The following ARHGEF9 variants were observed in gnomAD, a reference collection of about 807,000 sequenced individuals.
The protein encoded by ARHGEF9 is rho guanine nucleotide exchange factor 9.
ARHGEF9 carries 2 observed loss-of-function variants against 41.3 expected under a neutral mutation model. The ratio of observed to expected loss-of-function variants is 0.05; its 90% confidence interval spans 0.02 to 0.15. The LOEUF is 0.15. Ranked by LOEUF, ARHGEF9 falls within the 10% of genes least tolerant of loss-of-function variation. The pLI, the probability that ARHGEF9 is intolerant of heterozygous loss-of-function variation, is 1.00. For missense variants in ARHGEF9, 225 were observed against 424.7 expected, an observed-to-expected ratio of 0.53 and a Z score of 4.13; for synonymous variants, 160 against 154.4, an observed-to-expected ratio of 1.04 and a Z score of -0.27.
At chrX:63,758,798 C>T (rs782112958) in intron 1 of ARHGEF9, among the ~76,000 whole-genome samples, 12 of 112,352 alleles carry the variant, frequency 1.1e-4, no homozygotes, top group Non-Finnish European at 1.9e-4. Flanking sequence ...CCTCTTGAAA[C>T]ATTTATTAAA....
chrX:63,766,269 A>C (rs1279574057), intron 1 of ARHGEF9, among the ~76,000 whole-genome samples: 1 of 111,916 alleles, frequency 8.9e-6, no homozygotes, highest in Non-Finnish European at 1.9e-5. Context: ...GTGTGTATGC[A>C]CACTGAGAGG....
intron 1 of ARHGEF9, among the ~76,000 whole-genome samples, chrX:63,739,667 T>C (rs1556425322): frequency 9.0e-6 from 1 of 111,415 alleles, no homozygotes; most frequent in African/African-American, 3.3e-5. Flanking sequence ...AAAATGGATA[T>C]AATAATGCCT....
intron 6 of ARHGEF9, among the ~76,000 whole-genome samples, chrX:63,666,884 C>T (rs1423268676): frequency 2.7e-5 from 3 of 111,775 alleles, no homozygotes; most frequent in African/African-American, 9.8e-5. Context: ...GTTTCCAAGT[C>T]CTACTCCTTC....
At chrX:63,775,883 C>T (rs1329474169) in intron 1 of ARHGEF9, among the ~76,000 whole-genome samples, 1 of 111,407 alleles carries the variant, frequency 9.0e-6, no homozygotes, top group African/African-American at 3.3e-5. Context: ...AATACTGTCT[C>T]TTGGAAGCCC....
At chrX:63,781,728 C>G (rs2056384634) in intron 1 of ARHGEF9, among the ~76,000 whole-genome samples, 1 of 111,778 alleles carries the variant, frequency 8.9e-6, no homozygotes, top group Non-Finnish European at 1.9e-5. Flanking sequence ...GATCATGTCC[C>G]TCATCTGTTC....
chrX:63,681,365 T>A (rs1240725332), intron 4 of ARHGEF9, among the ~76,000 whole-genome samples: 1 of 112,050 alleles, frequency 8.9e-6, no homozygotes, highest in African/African-American at 3.2e-5. Context: ...AAATAAGTCT[T>A]AGCAAATTTA....
At chrX:63,651,128 C>A (rs1397170392) in intron 8 of ARHGEF9, among the ~76,000 whole-genome samples, 2 of 110,911 alleles carry the variant, frequency 1.8e-5, no homozygotes, top group South Asian at 3.8e-4. Flanking sequence ...AATAACAATG[C>A]CAAGCCGTTA....
intron 1 of ARHGEF9, among the ~76,000 whole-genome samples, chrX:63,742,878 C>T (rs1299383247): frequency 2.7e-5 from 3 of 112,202 alleles, no homozygotes; most frequent in Non-Finnish European, 5.6e-5. Context: ...TGGTTCAATG[C>T]CAACCTATCC....
At chrX:63,710,846 A>G (rs1286982592) in intron 2 of ARHGEF9, among the ~76,000 whole-genome samples, 1 of 111,363 alleles carries the variant, frequency 9.0e-6, no homozygotes, top group Non-Finnish European at 1.9e-5. Flanking sequence ...CAATTGGACA[A>G]AAAAAGAAAT....
chrX:63,643,717 T>TAAA (rs560889265), intron 9 of ARHGEF9, among the ~76,000 whole-genome samples: 14 of 95,841 alleles, frequency 1.5e-4, no homozygotes, highest in African/African-American at 4.1e-4. Context: ...TATTTTTAAG[T>TAAA]AAAAAAAAAA....
At chrX:63,761,058 C>T (rs1206281450) in intron 1 of ARHGEF9, among the ~76,000 whole-genome samples, 1 of 111,530 alleles carries the variant, frequency 9.0e-6, no homozygotes, top group African/African-American at 3.3e-5. Flanking sequence ...GAGTGATTAG[C>T]TCCTCAGTCC....
At chrX:63,709,542 C>T (rs1459415417) in intron 2 of ARHGEF9, among the ~76,000 whole-genome samples, 32 of 111,831 alleles carry the variant, frequency 2.9e-4, no homozygotes, top group Non-Finnish European at 5.3e-4. Context: ...CTAGCTTTTA[C>T]CCTTCCCACA....
In ARHGEF9 at chrX:63,678,336, T is replaced by C; in HGVS notation, c.815+4A>G. The C allele has an allele frequency of 8.4e-7, 1 of 1,194,832 alleles. No individual in the cohort carries two copies. The highest frequency in any genetic ancestry group is 1.1e-6 in the Non-Finnish European group (1 of 884,640). On this transcript the variant is annotated splice_donor_region_variant and intron_variant, in intron 5 of 9. Coordinates refer to ENST00000671741, the MANE Select transcript of ARHGEF9 (RefSeq NM_001353921.2). Reference sequence around the variant, plus strand: ...ATTCACTCCTGACTCCCTCGATCCCTTACCTGTGGTCTTGGGCAGTATACT... The same window carrying C: ...ATTCACTCCTGACTCCCTCGATCCCCTACCTGTGGTCTTGGGCAGTATACT...
intron 1 of ARHGEF9, chrX:63,767,391 A>G (rs782783745): frequency 2.7e-5 from 12 of 449,080 alleles, no homozygotes; most frequent in South Asian, 1.5e-4. Flanking sequence ...GGGAGCTGCT[A>G]TTTTATATTA....
At chrX:63,684,308 C>T (rs2050847939) in intron 4 of ARHGEF9, among the ~76,000 whole-genome samples, 1 of 110,598 alleles carries the variant, frequency 9.0e-6, no homozygotes, top group African/African-American at 3.3e-5. Flanking sequence ...CATATCAAAA[C>T]CACAATGAGA....
At chrX:63,693,941 G>A (rs1396097028) in intron 4 of ARHGEF9, among the ~76,000 whole-genome samples, 2 of 110,763 alleles carry the variant, frequency 1.8e-5, no homozygotes, top group African/African-American at 6.6e-5. Flanking sequence ...TCAGCACTTT[G>A]GGAGGCCGAG....
At chrX:63,693,949 G>A (rs1159606524) in intron 4 of ARHGEF9, among the ~76,000 whole-genome samples, 1 of 110,802 alleles carries the variant, frequency 9.0e-6, no homozygotes, top group African/African-American at 3.3e-5. Context: ...TTGGGAGGCC[G>A]AGGTGGGAAG....
At chrX:63,668,040 T>C (rs1681959142) in intron 6 of ARHGEF9, among the ~76,000 whole-genome samples, 1 of 111,881 alleles carries the variant, frequency 8.9e-6, no homozygotes, top group African/African-American at 3.3e-5. Context: ...CTTTTAAATA[T>C]ACAATTTACT....
chrX:63,650,985 G>T (rs1336712179), intron 8 of ARHGEF9, among the ~76,000 whole-genome samples: 1 of 110,456 alleles, frequency 9.1e-6, no homozygotes, highest in African/African-American at 3.3e-5. Flanking sequence ...CAGAAAAATA[G>T]AAATTATCAA....
Sources: allele counts gnomAD v4.1 joint callset (sites outside exome capture counted in the v4.1 genomes callset), GRCh38; gene constraint gnomAD v4.1.1; transcripts MANE v1.5; gene names NCBI Gene and HGNC (gene_info 2026-07-23, HGNC 2026-07-21).